PMM2: variants seen among roughly 807,000 people sequenced by gnomAD.
The protein encoded by PMM2 is phosphomannomutase 2.
In PMM2, 35 loss-of-function variants were observed where a neutral mutation model predicts 33.2. The ratio of observed to expected loss-of-function variants is 1.06; its 90% confidence interval spans 0.81 to 1.40. PMM2 has a LOEUF of 1.40. PMM2 is among the 40% of genes most tolerant of loss of function. PMM2 has a pLI of 0.00. For synonymous variants in PMM2, 153 were observed against 114.7 expected (o/e 1.33, Z -2.13); for missense variants, 386 against 306.0 (o/e 1.26, Z -1.95).
chr16:8,811,501 C>G (rs1346733104), intron 5 of PMM2, 137 bp from the exon 6 acceptor site: 1 of 702,010 alleles, frequency 1.4e-6, no homozygotes, highest in Non-Finnish European at 2.5e-6. Context: ...GCCTGGGCAA[C>G]AGAGCAAGAC....
At chr16:8,802,953 A>G (rs955117077) in intron 2 of PMM2, among the ~76,000 whole-genome samples, 10 of 152,196 alleles carry the variant, frequency 6.6e-5, no homozygotes, top group Middle Eastern at 3.4e-3. Context: ...TCACCTTCGC[A>G]CTATTGATAT....
chr16:8,804,307 G>T (rs1247534132), intron 2 of PMM2, among the ~76,000 whole-genome samples: 1 of 152,098 alleles, frequency 6.6e-6, no homozygotes, highest in African/African-American at 2.4e-5. Context: ...CTCCCAAAGT[G>T]CTGGGATTAC....
chr16:8,842,790 T>C (rs1410207328), intron 7 of PMM2, among the ~76,000 whole-genome samples: 1 of 152,164 alleles, frequency 6.6e-6, no homozygotes, highest in Non-Finnish European at 1.5e-5. Context: ...AGCAGGCCAG[T>C]GATAACAGGC....
chr16:8,839,249 C>G (rs765519274), intron 7 of PMM2, among the ~76,000 whole-genome samples: 3 of 151,966 alleles, frequency 2.0e-5, no homozygotes, highest in Non-Finnish European at 4.4e-5. Context: ...GTGCATGTGC[C>G]TGTCCAATTA....
intron 4 of PMM2, 71 bp downstream of exon 4, chr16:8,806,478 A>G (rs2060649104): frequency 1.1e-6 from 1 of 907,864 alleles, no homozygotes; most frequent in Admixed American, 1.7e-5. Context: ...TAATGTGGGC[A>G]TTCTCCAAAT....
chr16:8,837,317 A>G (rs957769728), intron 7 of PMM2, among the ~76,000 whole-genome samples: 1 of 151,986 alleles, frequency 6.6e-6, no homozygotes, highest in African/African-American at 2.4e-5. Context: ...TTTTCTGGCT[A>G]TTTGGAACTA....
At chr16:8,828,529 T>C (rs77701604) in intron 7 of PMM2, among the ~76,000 whole-genome samples, 21,457 of 152,178 alleles carry the variant, frequency 0.14, 1,659 homozygotes, top group East Asian at 0.25. Context: ...CACTGTCACA[T>C]GTCCTCTCAG....
chr16:8,844,637 A>C (rs1456966441), intron 7 of PMM2, among the ~76,000 whole-genome samples: 1 of 152,208 alleles, frequency 6.6e-6, no homozygotes, highest in Non-Finnish European at 1.5e-5. Flanking sequence ...CACCTCTGAA[A>C]CGTGGGTGAA....
At chr16:8,831,144 CAAAA>C (rs61001447) in intron 7 of PMM2, among the ~76,000 whole-genome samples, 16 of 151,556 alleles carry the variant, frequency 1.1e-4, no homozygotes, top group Non-Finnish European at 2.1e-4. Context: ...TCTCCAAAAA[CAAAA>C]AAAACAAAGT....
At chr16:8,822,623 A>G (rs8045056) in intron 7 of PMM2, among the ~76,000 whole-genome samples, 3,639 of 152,310 alleles carry the variant, frequency 0.024, 139 homozygotes, top group African/African-American at 0.082. Context: ...AGACAGTTTC[A>G]GTTCCTCCTG....
intron 7 of PMM2, among the ~76,000 whole-genome samples, chr16:8,820,649 C>T (rs776423177): frequency 6.6e-6 from 1 of 152,162 alleles, no homozygotes; most frequent in Non-Finnish European, 1.5e-5. Context: ...CCACCACTCC[C>T]GACCACAGTT....
At chr16:8,842,550 G>A (rs1483610657) in intron 7 of PMM2, among the ~76,000 whole-genome samples, 1 of 152,200 alleles carries the variant, frequency 6.6e-6, no homozygotes, top group African/African-American at 2.4e-5. Context: ...AAGGGGTGCA[G>A]GGGAACGCTG....
chr16:8,847,618 C>A, intron 7 of PMM2, 106 bp from the exon 8 acceptor site: 1 of 798,766 alleles, frequency 1.3e-6, no homozygotes, highest in Non-Finnish European at 2.2e-6. Flanking sequence ...ACTCTCCCTG[C>A]CCAGTTAAAT....
intron 7 of PMM2, among the ~76,000 whole-genome samples, chr16:8,846,950 A>C (rs1341576598): frequency 6.6e-6 from 1 of 151,542 alleles, no homozygotes; most frequent in Non-Finnish European, 1.5e-5. Context: ...TGCAACTTCC[A>C]CCTCCCGAGT....
chr16:8,827,912 AT>A (rs2141034746), intron 7 of PMM2, among the ~76,000 whole-genome samples: 1 of 107,822 alleles, frequency 9.3e-6, no homozygotes, highest in African/African-American at 3.5e-5. Flanking sequence ...TATATTATAT[AT>A]ATTATGTTTT....
chr16:8,840,161 G>A (rs988614599), intron 7 of PMM2, among the ~76,000 whole-genome samples: 2 of 151,812 alleles, frequency 1.3e-5, no homozygotes, highest in Non-Finnish European at 2.9e-5. Context: ...GAGAGAATGG[G>A]TAAGGTTGAT....
At chr16:8,811,764 T>C (rs1051503850) in intron 6 of PMM2, 51 bp downstream of exon 6, 1 of 1,251,044 alleles carries the variant, frequency 8.0e-7, no homozygotes, top group Admixed American at 1.7e-5. Context: ...TTTCCCAGAG[T>C]TTGTTGTGGG....
chr16:8,832,074 C>T (rs2060812998), intron 7 of PMM2: 2 of 911,266 alleles, frequency 2.2e-6, no homozygotes, highest in Non-Finnish European at 2.6e-6. Flanking sequence ...AGAGGGCAGC[C>T]AGCTTTCCTT....
chr16:8,814,421 A>G (rs910611979), intron 7 of PMM2, among the ~76,000 whole-genome samples: 1 of 152,156 alleles, frequency 6.6e-6, no homozygotes, highest in Non-Finnish European at 1.5e-5. Flanking sequence ...TGCATCATAA[A>G]TGCTGCATAT....
Sources: gnomAD v4.1 joint callset for allele counts (sites outside exome capture counted in the v4.1 genomes callset) on GRCh38, gnomAD v4.1.1 for gene constraint, MANE v1.5 for transcripts, NCBI Gene and HGNC (gene_info 2026-07-23, HGNC 2026-07-21) for gene names.